GRIK1: variants seen among roughly 807,000 people sequenced by gnomAD.
GRIK1 encodes the protein glutamate receptor ionotropic, kainate 1.
A neutral mutation model predicts 105.7 loss-of-function variants in GRIK1; 69 were observed. The observed-to-expected ratio is 0.65, with a 90% CI of 0.54 to 0.80. GRIK1 has a LOEUF of 0.80. Ranked by LOEUF, GRIK1 falls within the 30% of genes least tolerant of loss-of-function variation. The pLI is 0.00. For synonymous variants in GRIK1, 438 were observed against 431.3 expected, an observed-to-expected ratio of 1.02 and a Z score of -0.19; for missense variants, 1,109 against 1,167.3, an observed-to-expected ratio of 0.95 and a Z score of 0.73.
At chr21:29,623,448 T>TA (rs543992550) in intron 7 of GRIK1, among the ~76,000 whole-genome samples, 17,859 of 147,064 alleles carry the variant, frequency 0.12, 1,224 homozygotes, top group African/African-American at 0.2. Context: ...AAAATCTCCT[T>TA]AAAAAAAAAA....
intron 1 of GRIK1, among the ~76,000 whole-genome samples, chr21:29,832,834 T>A (rs528346365): frequency 6.6e-6 from 1 of 152,288 alleles, no homozygotes; most frequent in East Asian, 1.9e-4. Context: ...CTCGCCTGGA[T>A]TCATTCCCAG....
rs561964257 is a variant in GRIK1, at chr21:29,847,946, CAT to C, written c.118+91435_118+91436del. ...TCTCTCTCTCACACACACACATGCA[CAT>C]GTGTATGTGTATACACATAAAATTC... On this transcript the variant is annotated intron_variant, in intron 1 of 17. Coordinates refer to ENST00000327783, the MANE Select transcript of GRIK1 (RefSeq NM_001330994.2). Among the ~76,000 whole-genome samples, 23 of 152,142 alleles carry C rather than the reference CAT, an allele frequency of 1.5e-4. No individual in the cohort carries two copies. In the South Asian group the frequency reaches 2.7e-3, roughly 18 times the overall value.
At chr21:29,781,313 C>T (rs1476727267) in intron 1 of GRIK1, among the ~76,000 whole-genome samples, 1 of 152,068 alleles carries the variant, frequency 6.6e-6, no homozygotes, top group Non-Finnish European at 1.5e-5. Context: ...GCATTTCTTC[C>T]TTTCTTCCAT....
chr21:29,553,635 A>G (rs2146121612), intron 16 of GRIK1: 3 of 1,610,026 alleles, frequency 1.9e-6, no homozygotes, highest in Non-Finnish European at 1.7e-6. Context: ...TCCGTAGATA[A>G]AGTAGTTCCA....
intron 16 of GRIK1, among the ~76,000 whole-genome samples, chr21:29,540,828 C>T (rs1033103197): frequency 2.0e-4 from 31 of 152,076 alleles, no homozygotes; most frequent in Admixed American, 4.6e-4. Flanking sequence ...TTACTCAAGA[C>T]GTACTGCAAA....
intron 1 of GRIK1, among the ~76,000 whole-genome samples, chr21:29,801,611 A>G (rs2066713171): frequency 6.6e-6 from 1 of 152,186 alleles, no homozygotes; most frequent in Non-Finnish European, 1.5e-5. Context: ...TTACAAGAAG[A>G]CAGCATGAAG....
intron 1 of GRIK1, among the ~76,000 whole-genome samples, chr21:29,863,953 C>T (rs1239015064): frequency 6.6e-6 from 1 of 152,116 alleles, no homozygotes; most frequent in Non-Finnish European, 1.5e-5. Flanking sequence ...ATGTTTACAT[C>T]CCTTCATCCT....
intron 1 of GRIK1, among the ~76,000 whole-genome samples, chr21:29,882,299 T>C (rs1343249457): frequency 6.6e-6 from 1 of 151,944 alleles, no homozygotes; most frequent in Non-Finnish European, 1.5e-5. Context: ...CTTTTTTGAC[T>C]TTTAAAAGAG....
chr21:29,545,163 A>G (rs2090031415), intron 16 of GRIK1, among the ~76,000 whole-genome samples: 1 of 152,360 alleles, frequency 6.6e-6, no homozygotes, highest in South Asian at 2.1e-4. Flanking sequence ...TATAAAAGGG[A>G]GCATGAAACA....
At chr21:29,655,611 T>G (rs1457635881) in intron 4 of GRIK1, among the ~76,000 whole-genome samples, 1 of 152,158 alleles carries the variant, frequency 6.6e-6, no homozygotes, top group Non-Finnish European at 1.5e-5. Context: ...TTGTCAATAC[T>G]GGTATGTAGA....
chr21:29,588,132 G>A (rs1014707905), intron 11 of GRIK1, among the ~76,000 whole-genome samples: 2 of 151,410 alleles, frequency 1.3e-5, no homozygotes, highest in South Asian at 4.2e-4. Context: ...CCACCACCAC[G>A]CCTGGCTAAT....
intron 9 of GRIK1, among the ~76,000 whole-genome samples, chr21:29,591,490 G>A (rs2061333813): frequency 6.6e-6 from 1 of 152,076 alleles, no homozygotes; most frequent in Non-Finnish European, 1.5e-5. Context: ...TTTTATAAAT[G>A]AAAAAATATA....
intron 1 of GRIK1, among the ~76,000 whole-genome samples, chr21:29,913,672 A>AATATATATATATATATATATATATAT (rs60924907): frequency 3.5e-5 from 5 of 144,572 alleles, no homozygotes; most frequent in African/African-American, 1.0e-4. Context: ...AGAAACACTA[A>AATATATATATATATATATATATATAT]ATATATATAT....
At chr21:29,627,696 A>C (rs1020144901) in intron 7 of GRIK1, among the ~76,000 whole-genome samples, 1 of 152,192 alleles carries the variant, frequency 6.6e-6, no homozygotes, top group Non-Finnish European at 1.5e-5. Flanking sequence ...AAGGCTTTCC[A>C]AGTTTAGGAA....
chr21:29,551,438 C>T (rs1386172844), intron 16 of GRIK1, among the ~76,000 whole-genome samples: 2 of 152,264 alleles, frequency 1.3e-5, no homozygotes, highest in Admixed American at 6.5e-5. Context: ...CTAAGTTTGG[C>T]TGTTTTAGAA....
At chr21:29,753,612 G>A (rs967931019) in intron 1 of GRIK1, among the ~76,000 whole-genome samples, 4 of 152,134 alleles carry the variant, frequency 2.6e-5, no homozygotes, top group Non-Finnish European at 5.9e-5. Context: ...AGAGAAATGG[G>A]AACAAGAAAC....
intron 7 of GRIK1, among the ~76,000 whole-genome samples, chr21:29,641,684 C>A (rs1055618417): frequency 2.6e-5 from 4 of 152,154 alleles, no homozygotes; most frequent in Non-Finnish European, 5.9e-5. Flanking sequence ...AGAATACTCA[C>A]CCAAGAATGA....
chr21:29,821,825 G>A (rs1348208560), intron 1 of GRIK1, among the ~76,000 whole-genome samples: 1 of 151,904 alleles, frequency 6.6e-6, no homozygotes, highest in African/African-American at 2.4e-5. Context: ...TGATAAAATA[G>A]ACTAGTATCT....
intron 12 of GRIK1, chr21:29,582,262 G>C (rs1449551445): frequency 6.6e-6 from 3 of 457,404 alleles, no homozygotes; most frequent in Non-Finnish European, 9.1e-6. Flanking sequence ...CCTCACTGCA[G>C]AATTTCAAAT....
Sources: allele counts gnomAD v4.1 joint callset (sites outside exome capture counted in the v4.1 genomes callset), GRCh38; gene constraint gnomAD v4.1.1; transcripts MANE v1.5; gene names NCBI Gene and HGNC (gene_info 2026-07-23, HGNC 2026-07-21).